MAGEB2: variants seen among roughly 807,000 people sequenced by gnomAD.
MAGEB2 encodes the protein MAGE family member B2, also known as melanoma-associated antigen B2.
For missense variants in MAGEB2, 365 were observed against 243.2 expected (o/e 1.50, Z -3.33); for synonymous variants, 107 against 96.2 (o/e 1.11, Z -0.66).
Position 30,218,750 on chromosome X carries a change from G to T in MAGEB2, c.170G>T (p.Gly57Val). The change falls in exon 2 of 2, where the codon GGC becomes GTC. Residue 57 changes from glycine (G) to valine (V), a missense_variant. By Grantham distance (109) the Gly-to-Val change is moderately radical. Coordinates refer to ENST00000378988, the MANE Select transcript of MAGEB2 (RefSeq NM_002364.5). The stretch of plus-strand genomic sequence containing the variant: ...GCTGCTTCAAGCTCTCCTGCTGCTG[G>T]CATTCCCCAGGAGCCTCAGAGAGCC... ...GGAASSSPAA[G>V]IPQEPQRAPT... 1 of 1,194,163 alleles carries T rather than the reference G, an allele frequency of 8.4e-7. No homozygotes were observed. Among genetic ancestry groups the T allele is most frequent in the Non-Finnish European group, 1.1e-6 (1 of 885,847 alleles).
Position 30,219,648 on chromosome X carries a change from C to A in MAGEB2, c.*108C>A. On this transcript the variant is annotated 3_prime_UTR_variant, in exon 2 of 2. Transcript: ENST00000378988. ...AATGAGGTCTTAGGCAGATTCTTTA[C>A]TTTGTAATTCAAAAGGCCTGTTAAC... 1.4e-6 allele frequency: 1 copy of A among 705,982 alleles called. No individual in the cohort carries two copies. Among genetic ancestry groups the A allele is most frequent in the Non-Finnish European group, 2.0e-6 (1 of 490,660 alleles). The allele number at this position is 705,982 out of a possible 1,213,427, so 58.2% of individuals were successfully genotyped here. A position where few individuals can be genotyped will look rare whatever the true frequency, so the allele number is the denominator to read the frequency against.
rs754734083 is a variant in MAGEB2, at chrX:30,218,826, A to C, written c.246A>C (p.Lys82Asn). 178 of 1,192,056 alleles carry C rather than the reference A, an allele frequency of 1.5e-4. No individual in the cohort carries two copies. The South Asian group carries it at 2.9e-3, about 20-fold the overall frequency. Reference sequence around the variant, plus strand: ...CGGGTGTTTCATCCACAAAATCTAAAAAAGGTGCCAAGAGCCACCAAGGTG... The same window carrying C: ...CGGGTGTTTCATCCACAAAATCTAACAAAGGTGCCAAGAGCCACCAAGGTG... Reference protein sequence around the residue: ...AAAGVSSTKSKKGAKSHQGEK... With the variant: ...AAAGVSSTKSNKGAKSHQGEK... Residue 82 changes from lysine to asparagine, a missense_variant, in exon 2 of 2, where the codon AAA becomes AAC. By Grantham distance (94) the Lys-to-Asn change is moderately conservative. Coordinates refer to ENST00000378988, the MANE Select transcript of MAGEB2 (RefSeq NM_002364.5).
At position 30,215,667 on chromosome X, in the gene MAGEB2, G is replaced by C. The variant is rs1924376145; in HGVS notation, c.-6+12G>C. ...GGTCGGCAGTCAAGGTGAGGACCCT[G>C]AGTGTAAACTGAAGAGACCACCCCC... is the stretch of plus-strand genomic sequence containing the variant. On this transcript the variant is annotated intron_variant, in intron 1 of 1. Transcript: ENST00000378988. 1.8e-5 allele frequency: 2 copies of C among 110,746 alleles called. No individual in the cohort carries two copies. Among genetic ancestry groups the C allele is most frequent in the South Asian group, 7.9e-4 (2 of 2,531 alleles). 9.1% of individuals were successfully genotyped at this position (110,746 alleles called of 1,213,427 possible).
At position 30,219,327 on chromosome X, in the gene MAGEB2, C is replaced by G. The variant is rs1188210167; in HGVS notation, c.747C>G (p.Thr249=). Residue 249 remains threonine, a synonymous_variant, in exon 2 of 2, where the codon ACC becomes ACG. Transcript: ENST00000378988. The stretch of plus-strand genomic sequence containing the variant: ...TTGGGGAACCCTGGAAGCTCATCAC[C>G]AAAGATCTGGTGCAGGAAAAATATC... ...SVFGEPWKLI[T]KDLVQEKYLE... The G allele has an allele frequency of 8.3e-7, 1 of 1,211,487 alleles. No individual in the cohort carries two copies. Among genetic ancestry groups the G allele is most frequent in the Middle Eastern group, 2.3e-4 (1 of 4,353 alleles).
rs768025185 is a variant in MAGEB2, at chrX:30,219,396, A to G, written c.816A>G (p.Gln272=). 2.7e-5 allele frequency: 33 copies of G among 1,210,124 alleles called. No homozygotes were observed. In the South Asian group the frequency reaches 4.6e-4, roughly 17 times the overall value. Residue 272 remains glutamine (Q), a synonymous_variant, in exon 2 of 2, where the codon CAA becomes CAG. Transcript: ENST00000378988. ...QVPSSDPPRF[Q]FLWGPRAYAE... is the part of the protein sequence containing the mutation. ...CCAGCAGTGATCCCCCACGCTTTCA[A>G]TTCCTGTGGGGTCCGAGAGCCTATG...
At position 30,218,688 on chromosome X, in the gene MAGEB2, A is replaced by G. The variant is rs1325262250; in HGVS notation, c.108A>G (p.Glu36=). 2 of 1,207,688 alleles carry G rather than the reference A, an allele frequency of 1.7e-6. No individual in the cohort carries two copies. The change falls in exon 2 of 2, where the codon GAA becomes GAG. Residue 36 remains glutamate (E), a synonymous_variant. Coordinates refer to ENST00000378988, the MANE Select transcript of MAGEB2 (RefSeq NM_002364.5). ...NVPQVTEAEE[E]EAPCCSSSVS... is the part of the protein sequence containing the mutation. ...CTCAGGTCACTGAAGCAGAGGAAGA[A>G]GAGGCCCCCTGCTGTTCCTCTTCTG...
intron 1 of MAGEB2, among the ~76,000 whole-genome samples, chrX:30,216,239 C>G (rs1463118133): frequency 8.9e-6 from 1 of 111,947 alleles, no homozygotes. Flanking sequence ...CTGACTTCCT[C>G]TCCCGGGACT....
intron 1 of MAGEB2, among the ~76,000 whole-genome samples, chrX:30,216,998 A>G (rs1323177290): frequency 9.1e-6 from 1 of 109,709 alleles, no homozygotes; most frequent in African/African-American, 3.3e-5. Flanking sequence ...ACCCCATATT[A>G]GTGGGAGCCA....
chrX:30,219,036 C>T lies in MAGEB2; in HGVS notation c.456C>T (p.Ile152=). The T allele has an allele frequency of 7.4e-6, 9 of 1,211,189 alleles. No individual in the cohort carries two copies. Among genetic ancestry groups the T allele is most frequent in the Non-Finnish European group, 1.0e-5 (9 of 895,203 alleles). ...GKRFREHFPE[I]LKKASEGLSV... ...GGTTCAGGGAGCACTTCCCTGAGAT[C>T]CTCAAGAAAGCCTCTGAGGGCCTCA... Residue 152 remains isoleucine, a synonymous_variant, in exon 2 of 2, where the codon ATC becomes ATT. Transcript: ENST00000378988.
Position 30,218,671 on chromosome X carries a change from A to C in MAGEB2, c.91A>C (p.Thr31Pro). The C allele has an allele frequency of 8.3e-7, 1 of 1,209,186 alleles. No individual in the cohort carries two copies. The highest frequency in any genetic ancestry group is 1.1e-6 in the Non-Finnish European group (1 of 893,963). The change falls in exon 2 of 2, where the codon ACT (threonine) becomes CCT (proline). Residue 31 changes from threonine to proline, a missense_variant. Coordinates refer to ENST00000378988, the MANE Select transcript of MAGEB2 (RefSeq NM_002364.5). ...CCGGGGTCTCAATGTTCCTCAGGTC[A>C]CTGAAGCAGAGGAAGAAGAGGCCCC... The part of the protein sequence containing the change: ...ETRGLNVPQV[T>P]EAEEEEAPCC...
At chrX:30,216,243 C>A (rs2238923) in intron 1 of MAGEB2, among the ~76,000 whole-genome samples, 29,686 of 110,851 alleles carry the variant, frequency 0.27, 3,072 homozygotes, top group African/African-American at 0.34. Context: ...CTTCCTCTCC[C>A]GGGACTAAAG....
chrX:30,216,499 G>C (rs994460631), intron 1 of MAGEB2, among the ~76,000 whole-genome samples: 3 of 111,476 alleles, frequency 2.7e-5, no homozygotes, highest in Non-Finnish European at 3.8e-5. Context: ...GCCCACTCTT[G>C]TTGTCAGACC....
chrX:30,218,276 C>T (rs1222714452), intron 1 of MAGEB2, among the ~76,000 whole-genome samples: 2 of 111,622 alleles, frequency 1.8e-5, no homozygotes, highest in African/African-American at 6.5e-5. Flanking sequence ...GACAGGAGGC[C>T]GCACTGCCAG....
intron 1 of MAGEB2, among the ~76,000 whole-genome samples, chrX:30,217,225 T>C (rs963865824): frequency 8.9e-6 from 1 of 112,082 alleles, no homozygotes; most frequent in African/African-American, 3.2e-5. Flanking sequence ...TTTAATTGGC[T>C]CACAGTTCTG....
At chrX:30,217,489 C>T (rs1924435473) in intron 1 of MAGEB2, among the ~76,000 whole-genome samples, 1 of 112,222 alleles carries the variant, frequency 8.9e-6, no homozygotes, top group Admixed American at 9.4e-5. Flanking sequence ...CCAGGCTCCA[C>T]CTCCAACATT....
chrX:30,219,313 T>G lies in MAGEB2; in HGVS notation c.733T>G (p.Trp245Gly), dbSNP rs1159459599. Residue 245 changes from tryptophan to glycine, a missense_variant, in exon 2 of 2, where the codon TGG (tryptophan) becomes GGG (glycine). By Grantham distance (184) the Trp-to-Gly change is radical (BLOSUM62 -2). Coordinates refer to ENST00000378988, the MANE Select transcript of MAGEB2 (RefSeq NM_002364.5). ...GEEHSVFGEP[W>G]KLITKDLVQE... is the part of the protein sequence containing the mutation. ...GGAGCACTCAGTCTTTGGGGAACCC[T>G]GGAAGCTCATCACCAAAGATCTGGT... The G allele has an allele frequency of 3.3e-6, 4 of 1,209,725 alleles. No homozygotes were observed. Among genetic ancestry groups the G allele is most frequent in the Non-Finnish European group, 4.5e-6 (4 of 894,914 alleles).
rs758812052 is a variant in MAGEB2, at chrX:30,218,974, G to T, written c.394G>T (p.Val132Phe). The T allele has an allele frequency of 2.5e-6, 3 of 1,210,218 alleles. No homozygotes were observed. The highest frequency in any genetic ancestry group is 2.2e-6 in the Non-Finnish European group (2 of 894,662). ...LLYKYKIKKS[V>F]TKGEMLKIVG... ...GTACAAGTATAAAATAAAAAAGTCCGTTACAAAGGGAGAAATGCTGAAAAT... is the reference window on the plus strand; with the variant it reads ...GTACAAGTATAAAATAAAAAAGTCCTTTACAAAGGGAGAAATGCTGAAAAT... The change falls in exon 2 of 2, where the codon GTT becomes TTT. Residue 132 changes from valine (V) to phenylalanine (F), a missense_variant. Val to Phe is a conservative substitution (Grantham distance 50). Transcript: ENST00000378988.
intron 1 of MAGEB2, among the ~76,000 whole-genome samples, chrX:30,217,213 G>A (rs1490485233): frequency 8.9e-6 from 1 of 111,964 alleles, no homozygotes; most frequent in Non-Finnish European, 1.9e-5. Flanking sequence ...AAAGAAAAGA[G>A]GTTTAATTGG....
chrX:30,219,204 G>A lies in MAGEB2; in HGVS notation c.624G>A (p.Leu208=), dbSNP rs761964672. ...FPRRKLLMPL[L]GVIFLNGNSA... is the part of the protein sequence containing the mutation. The stretch of plus-strand genomic sequence containing the variant: ...GGAGAAAGCTTCTGATGCCTCTCCT[G>A]GGTGTGATCTTCTTAAATGGCAACT... Residue 208 remains leucine, a synonymous_variant, in exon 2 of 2, where the codon CTG becomes CTA. Transcript: ENST00000378988. 53 of 1,208,688 alleles carry A rather than the reference G, an allele frequency of 4.4e-5. No homozygotes were observed. Among genetic ancestry groups the A allele is most frequent in the Non-Finnish European group, 5.6e-5 (50 of 894,398 alleles).
Sources: gnomAD v4.1 joint callset for allele counts (sites outside exome capture counted in the v4.1 genomes callset) on GRCh38, gnomAD v4.1.1 for gene constraint, MANE v1.5 for transcripts, NCBI Gene and HGNC (gene_info 2026-07-23, HGNC 2026-07-21) for gene names.